Variants in ZYG11A observed in about 807,000 individuals in gnomAD.
ZYG11A encodes the protein zyg-11 family member A, cell cycle regulator.
ZYG11A carries 62 observed loss-of-function variants against 77.2 expected under a neutral mutation model. The observed-to-expected ratio is 0.80, with a 90% confidence interval of 0.65 to 0.99. The LOEUF (loss-of-function observed/expected upper bound fraction) is 0.99, where lower values mean the gene tolerates loss of function less well. Among genes scored for constraint, ZYG11A ranks in the 50% least tolerant of loss-of-function variants. The pLI is 0.00. For missense variants in ZYG11A, 828 were observed against 896.8 expected (o/e 0.92, Z 0.98); for synonymous variants, 315 against 324.6 (o/e 0.97, Z 0.32).
chr1:52,869,854 A>G (rs1482568612), intron 8 of ZYG11A, among the ~76,000 whole-genome samples: 3 of 120,892 alleles, frequency 2.5e-5, no homozygotes, highest in Admixed American at 8.4e-5. Flanking sequence ...CCCGGACGGG[A>G]CGGCTGACCC....
chr1:52,881,989 G>A (rs921791940), intron 11 of ZYG11A, among the ~76,000 whole-genome samples: 3 of 151,786 alleles, frequency 2.0e-5, no homozygotes, highest in Admixed American at 6.6e-5. Context: ...CAACCTCGGA[G>A]GCTTAGGTGG....
In ZYG11A at chr1:52,890,060, T is replaced by G. The variant is rs140397432; in HGVS notation, c.2105-2722T>G. On this transcript the variant is annotated intron_variant, in intron 13 of 13. Transcript: ENST00000371528. ...CTTTGCTCATCACTGCTTGTTTTTT[T>G]TTTTTTTTTTCTTTTTTTTAACCCC... is the stretch of plus-strand genomic sequence containing the variant. Among the ~76,000 whole-genome samples the G allele has an allele frequency of 9.9e-4, 148 of 149,082 alleles. 3 individuals carry two copies. Among genetic ancestry groups the G allele is most frequent in the Non-Finnish European group, 2.0e-3 (133 of 67,390 alleles).
chr1:52,859,663 T>TACCTATAC (rs1553121657), intron 3 of ZYG11A, among the ~76,000 whole-genome samples: 3 of 126,110 alleles, frequency 2.4e-5, no homozygotes, highest in South Asian at 2.6e-4. Flanking sequence ...TGTTTGTGTA[T>TACCTATAC]TGCCTTTTTT....
At chr1:52,886,867 T>G in intron 12 of ZYG11A, 89 bp from the exon 13 acceptor site, 1 of 440,348 alleles carries the variant, frequency 2.3e-6, no homozygotes, top group East Asian at 4.2e-5. Flanking sequence ...TATACATTAT[T>G]ATATTAATTA....
Position 52,857,264 on chromosome 1 carries a change from C to T in ZYG11A, c.523C>T (p.Leu175=), listed in dbSNP as rs1024968500. The T allele has an allele frequency of 9.0e-6, 14 of 1,552,050 alleles. No homozygotes were observed. The highest frequency in any genetic ancestry group is 1.1e-5 in the Non-Finnish European group (13 of 1,147,148). ...STSIPQNSRL[L]FFSQLTGLRI... Reference sequence around the variant, plus strand: ...AAGCATCCCTCAAAATTCAAGATTACTGTTCTTTAGTCAGCTCACTGGTCT... The same window carrying T: ...AAGCATCCCTCAAAATTCAAGATTATTGTTCTTTAGTCAGCTCACTGGTCT... The change falls in exon 3 of 14, where the codon CTG becomes TTG. Residue 175 remains leucine, a synonymous_variant. Transcript: ENST00000371528.
chr1:52,863,898 G>T, intron 4 of ZYG11A, 83 bp from the exon 5 acceptor site: 1 of 1,299,354 alleles, frequency 7.7e-7, no homozygotes, highest in East Asian at 2.6e-5. Flanking sequence ...AATAAACGAA[G>T]ATTTGTGCCA....
intron 11 of ZYG11A, among the ~76,000 whole-genome samples, chr1:52,884,608 C>G (rs889414951): frequency 6.6e-6 from 1 of 151,976 alleles, no homozygotes; most frequent in Non-Finnish European, 1.5e-5. Context: ...GAGCCGAGAT[C>G]GTGCCATCGC....
chr1:52,887,728 T>TA (rs1365339610), intron 13 of ZYG11A, among the ~76,000 whole-genome samples: 10 of 148,410 alleles, frequency 6.7e-5, no homozygotes, highest in South Asian at 2.2e-4. Context: ...TTTTTTACAT[T>TA]AAAAAAAAAA....
Position 52,894,443 on chromosome 1 carries a change from A to C in ZYG11A, c.*1486A>C, listed in dbSNP as rs1325723127. The C allele has an allele frequency of 2.6e-5, 4 of 152,354 alleles. No individual in the cohort carries two copies. The highest frequency in any genetic ancestry group is 6.5e-5 in the Admixed American group (1 of 15,302). The allele number at this position is 152,354 out of a possible 1,614,324, so 9.4% of individuals were successfully genotyped here. ...AACTATATCAGAAGCTTACTTGATA[A>C]GCCTTGCGGAGCTGCTCTGAGGAAT... On this transcript the variant is annotated 3_prime_UTR_variant, in exon 14 of 14. Transcript: ENST00000371528.
intron 4 of ZYG11A, among the ~76,000 whole-genome samples, chr1:52,862,065 C>T (rs1332529851): frequency 6.6e-6 from 1 of 151,396 alleles, no homozygotes; most frequent in Non-Finnish European, 1.5e-5. Context: ...AAAAATTAGC[C>T]AGGCGTGGTG....
intron 13 of ZYG11A, among the ~76,000 whole-genome samples, chr1:52,892,055 C>T (rs1012655453): frequency 6.0e-5 from 9 of 150,796 alleles, no homozygotes; most frequent in South Asian, 2.1e-4. Flanking sequence ...CCCACGACCA[C>T]GCCCAGCTAA....
At position 52,851,234 on chromosome 1, in the gene ZYG11A, C is replaced by T. The variant is rs537522876; in HGVS notation, c.91-3231C>T. Among the ~76,000 whole-genome samples the T allele has an allele frequency of 4.6e-5, 7 of 151,924 alleles. No individual in the cohort carries two copies. The South Asian group carries it at 1.2e-3, about 27-fold the overall frequency. ...AATTTTTTCGTATTTTTTGTGGAGACGGGGTTTTGCCATGTTTCCACATCT... is the reference window on the plus strand; with the variant it reads ...AATTTTTTCGTATTTTTTGTGGAGATGGGGTTTTGCCATGTTTCCACATCT... On this transcript the variant is annotated intron_variant, in intron 1 of 13. Coordinates refer to ENST00000371528, the MANE Select transcript of ZYG11A (RefSeq NM_001004339.3).
chr1:52,868,540 G>T (rs1441756470), intron 8 of ZYG11A, among the ~76,000 whole-genome samples: 1 of 152,098 alleles, frequency 6.6e-6, no homozygotes, highest in African/African-American at 2.4e-5. Flanking sequence ...CCAGTACTTT[G>T]GGAGGCTGAG....
chr1:52,883,918 C>A (rs117828082), intron 11 of ZYG11A, among the ~76,000 whole-genome samples: 4,135 of 147,078 alleles, frequency 0.028, 152 homozygotes, highest in East Asian at 0.2. Context: ...CTTGCTCTGT[C>A]ACCCAGGCTG....
intron 8 of ZYG11A, among the ~76,000 whole-genome samples, 191 bp from the exon 9 acceptor site, chr1:52,877,490 AT>A (rs1646281980): frequency 6.6e-6 from 1 of 152,128 alleles, no homozygotes; most frequent in African/African-American, 2.4e-5. Flanking sequence ...ATTTTTTTTC[AT>A]TTAATCCTCA....
intron 8 of ZYG11A, among the ~76,000 whole-genome samples, chr1:52,868,658 C>T (rs1451087528): frequency 6.6e-6 from 1 of 151,712 alleles, no homozygotes; most frequent in Non-Finnish European, 1.5e-5. Context: ...TGTGGTGGTG[C>T]GTCCTGTAAT....
chr1:52,859,478 G>A (rs1396734487), intron 3 of ZYG11A, among the ~76,000 whole-genome samples: 1 of 151,526 alleles, frequency 6.6e-6, no homozygotes, highest in Non-Finnish European at 1.5e-5. Context: ...TGGGACTATA[G>A]GCACCCACCA....
At chr1:52,887,987 A>C (rs1366156448) in intron 13 of ZYG11A, among the ~76,000 whole-genome samples, 1 of 152,224 alleles carries the variant, frequency 6.6e-6, no homozygotes, top group African/African-American at 2.4e-5. Context: ...TAGAATTAAA[A>C]GTTTAGCTTG....
At chr1:52,858,572 T>C (rs942986859) in intron 3 of ZYG11A, among the ~76,000 whole-genome samples, 1 of 151,590 alleles carries the variant, frequency 6.6e-6, no homozygotes, top group African/African-American at 2.4e-5. Context: ...CCCAAAGTGC[T>C]GGGATTATAG....
Sources: allele counts gnomAD v4.1 joint callset (sites outside exome capture counted in the v4.1 genomes callset), GRCh38; gene constraint gnomAD v4.1.1; transcripts MANE v1.5; gene names NCBI Gene and HGNC (gene_info 2026-07-23, HGNC 2026-07-21).